OTOP3: variants seen among roughly 807,000 people sequenced by gnomAD.
OTOP3 encodes otopetrin 3.
OTOP3 carries 41 observed loss-of-function variants against 50.8 expected under a neutral mutation model. The observed-to-expected ratio is 0.81, with a 90% CI of 0.63 to 1.05. The LOEUF is 1.05. OTOP3 is among the 50% of genes least tolerant of loss of function. The pLI, the probability that OTOP3 is intolerant of heterozygous loss-of-function variation, is 0.00. For synonymous variants in OTOP3, 320 were observed against 324.4 expected (o/e 0.99, Z 0.14); for missense variants, 788 against 760.8 (o/e 1.04, Z -0.42).
chr17:74,946,743 C>T lies in OTOP3; in HGVS notation c.834C>T (p.Phe278=), dbSNP rs775819983. The T allele has an allele frequency of 5.6e-6, 9 of 1,613,210 alleles. No homozygotes were observed. The highest frequency in any genetic ancestry group is 1.3e-5 in the African/African-American group (1 of 74,950). ...GAGGCTTCCTGATGCTCTACCCCTT[C>T]AGCACTGAGTACTGCCTCATCTGCT... ...FRRGFLMLYP[F]STEYCLICCA... The change falls in exon 6 of 7, where the codon TTC becomes TTT. Residue 278 remains phenylalanine (F), a synonymous_variant. Transcript: ENST00000328801.
chr17:74,937,923 G>A (rs753656919), intron 1 of OTOP3, among the ~76,000 whole-genome samples: 16 of 152,226 alleles, frequency 1.1e-4, no homozygotes, highest in South Asian at 2.1e-4. Context: ...GGGAGGATGG[G>A]CGAGTGGTGG....
chr17:74,940,130 C>CATAT (rs1369010611), intron 1 of OTOP3, among the ~76,000 whole-genome samples: 1 of 101,092 alleles, frequency 9.9e-6, no homozygotes, highest in African/African-American at 3.4e-5. Context: ...CACACACACA[C>CATAT]ACATACATAT....
rs2039238816 is a variant in OTOP3 at position 74,947,313 on chromosome 17, AG to A, written c.1406del (p.Gly469GlufsTer57). ...LWETVPEGLA[G>X]KQEAEPPRRG... ...GGGAGACAGTTCCCGAGGGCCTGGC[AG>A]GAAAGCAGGAGGCTGAGCCTCCCCG... On this transcript the variant is annotated frameshift_variant, in exon 6 of 7. Coordinates refer to ENST00000328801, the MANE Select transcript of OTOP3 (RefSeq NM_001272005.2). LOFTEE classifies it high-confidence loss of function. 6.2e-7 allele frequency: 1 copy of A among 1,613,350 alleles called. No individual in the cohort carries two copies. The highest frequency in any genetic ancestry group is 1.1e-5 in the South Asian group (1 of 91,072).
At chr17:74,942,136 A>G (rs1010190591) in intron 3 of OTOP3, 99 bp downstream of exon 3, 4 of 1,426,342 alleles carry the variant, frequency 2.8e-6, no homozygotes, top group Non-Finnish European at 3.8e-6. Flanking sequence ...ACAGCCACAC[A>G]GGCAAATACC....
chr17:74,943,456 C>G, intron 4 of OTOP3, 112 bp downstream of exon 4: 1 of 1,385,100 alleles, frequency 7.2e-7, no homozygotes, highest in South Asian at 1.2e-5. Context: ...CTAGGTGGCC[C>G]CAGGGCTGCC....
At chr17:74,945,155 T>A (rs2039213615) in intron 5 of OTOP3, among the ~76,000 whole-genome samples, 1 of 152,114 alleles carries the variant, frequency 6.6e-6, no homozygotes, top group Non-Finnish European at 1.5e-5. Flanking sequence ...ACAAAAAAAT[T>A]TCTGAGCCCA....
Position 74,949,345 on chromosome 17 carries a change from G to A in OTOP3, c.1666G>A (p.Gly556Ser), listed in dbSNP as rs551459752. ...YQIWFAIVNF[G>S]LPLGVFYRMH... ...GATATGGTTCGCCATCGTCAACTTC[G>A]GCCTGCCTCTGGGGGTCTTCTACCG... is the stretch of plus-strand genomic sequence containing the variant. The change falls in exon 7 of 7, where the codon GGC (glycine) becomes AGC (serine). Residue 556 changes from glycine (G) to serine (S), a missense_variant. Physicochemically the swap from Gly to Ser is moderately conservative, Grantham distance 56. Coordinates refer to ENST00000328801, the MANE Select transcript of OTOP3 (RefSeq NM_001272005.2). 2.0e-5 allele frequency: 33 copies of A among 1,614,028 alleles called. No homozygotes were observed. Among genetic ancestry groups the A allele is most frequent in the Middle Eastern group, 1.7e-4 (1 of 6,034 alleles).
At position 74,947,268 on chromosome 17, in the gene OTOP3, CCTGCACCGGCGCCCACT is replaced by C; in HGVS notation, c.1363_1379del (p.His455GlyfsTer14). Reference sequence around the variant, plus strand: ...CTCAGAACCTCTTCATCATCGAGGGCCTGCACCGGCGCCCACTCTGGGAGACAGTTCCCGAGGGCCTG... The same window carrying C: ...CTCAGAACCTCTTCATCATCGAGGGCCTGGGAGACAGTTCCCGAGGGCCTG... On this transcript the variant is annotated frameshift_variant, in exon 6 of 7. Coordinates refer to ENST00000328801, the MANE Select transcript of OTOP3 (RefSeq NM_001272005.2). LOFTEE classifies it high-confidence loss of function. The C allele has an allele frequency of 6.2e-7, 1 of 1,613,614 alleles. No homozygotes were observed. Among genetic ancestry groups the C allele is most frequent in the South Asian group, 1.1e-5 (1 of 91,066 alleles).
Position 74,941,563 on chromosome 17 carries a change from C to CA in OTOP3, c.191dup (p.Ala65GlyfsTer38), listed in dbSNP as rs2039173583. On this transcript the variant is annotated frameshift_variant, in exon 2 of 7. Coordinates refer to ENST00000328801, the MANE Select transcript of OTOP3 (RefSeq NM_001272005.2). LOFTEE classifies it high-confidence loss of function. ...CTCTCTGCTGCTGCGGCGGGACCGG[C>CA]AGGCCCAGAAGGCTGGACAACTCTT... is the stretch of plus-strand genomic sequence containing the variant. 6.2e-7 allele frequency: 1 copy of CA among 1,611,218 alleles called. No homozygotes were observed.
chr17:74,935,918 G>A lies in OTOP3; in HGVS notation c.-4G>A. 1 of 1,545,840 alleles carries A rather than the reference G, an allele frequency of 6.5e-7. No individual in the cohort carries two copies. Among genetic ancestry groups the A allele is most frequent in the Non-Finnish European group, 8.7e-7 (1 of 1,146,698 alleles). ...CGCCCGCAGTCGGTGGTTAGCCCAC[G>A]GCGATGCCTCTCCCGGCCTCAGGTA... On this transcript the variant is annotated 5_prime_UTR_variant, in exon 1 of 7. Transcript: ENST00000328801.
Position 74,949,527 on chromosome 17 carries a change from A to G in OTOP3, c.*111A>G. On this transcript the variant is annotated 3_prime_UTR_variant, in exon 7 of 7. Coordinates refer to ENST00000328801, the MANE Select transcript of OTOP3 (RefSeq NM_001272005.2). ...GTGCCGAGACCAGCCTGAGGCTCTC[A>G]AGGCCTCCTGCTCCCCAGAGCCTCA... 8.0e-7 allele frequency: 1 copy of G among 1,253,932 alleles called. No homozygotes were observed. Among genetic ancestry groups the G allele is most frequent in the Non-Finnish European group, 1.1e-6 (1 of 915,908 alleles). The allele number at this position is 1,253,932 out of a possible 1,614,324, so 77.7% of individuals were successfully genotyped here.
chr17:74,936,961 C>CTTTTTTT lies in OTOP3; in HGVS notation c.19+1034_19+1040dup, dbSNP rs1191319023. ...ATTCGGCATTCATCACCCCCCCACC[C>CTTTTTTT]TTTTTTTTTTTTTTTTTTTGAGACA... On this transcript the variant is annotated intron_variant, in intron 1 of 6. Transcript: ENST00000328801. Among the ~76,000 whole-genome samples the CTTTTTTT allele has an allele frequency of 6.2e-4, 63 of 101,308 alleles. 6 individuals are homozygous for CTTTTTTT. The highest frequency in any genetic ancestry group is 1.7e-3 in the East Asian group (6 of 3,446). 66.5% of individuals were successfully genotyped at this position (101,308 alleles called of 152,430 possible).
rs200838654 is a variant in OTOP3, at chr17:74,949,442, G to T, written c.*26G>T. ...GGCTGCCCACCCCCGGCAGAACCTC[G>T]AAGTGCCAAGGTGGGGAAGATGGTA... On this transcript the variant is annotated 3_prime_UTR_variant, in exon 7 of 7. Coordinates refer to ENST00000328801, the MANE Select transcript of OTOP3 (RefSeq NM_001272005.2). 6.2e-7 allele frequency: 1 copy of T among 1,608,330 alleles called. No individual in the cohort carries two copies. The highest frequency in any genetic ancestry group is 8.5e-7 in the Non-Finnish European group (1 of 1,177,644).
chr17:74,948,662 A>G (rs1275149141), intron 6 of OTOP3, among the ~76,000 whole-genome samples: 1 of 152,028 alleles, frequency 6.6e-6, no homozygotes, highest in Non-Finnish European at 1.5e-5. Context: ...TCTGTATCTT[A>G]AAAAATAGTA....
intron 1 of OTOP3, among the ~76,000 whole-genome samples, chr17:74,939,835 T>G (rs1166098351): frequency 6.6e-6 from 1 of 152,158 alleles, no homozygotes; most frequent in Non-Finnish European, 1.5e-5. Flanking sequence ...GCCTGTCCCA[T>G]GCTCTCAGAA....
At chr17:74,943,510 G>A (rs552080129) in intron 4 of OTOP3, 96 bp from the exon 5 acceptor site, 68 of 1,372,116 alleles carry the variant, frequency 5.0e-5, no homozygotes, top group Non-Finnish European at 7.1e-5. Flanking sequence ...GTGAGTGGTT[G>A]GGAGTGAGTG....
intron 5 of OTOP3, among the ~76,000 whole-genome samples, chr17:74,944,067 C>T (rs2039203186): frequency 6.6e-6 from 1 of 152,230 alleles, no homozygotes; most frequent in South Asian, 2.1e-4. Flanking sequence ...ACTCAACAGC[C>T]TCCCGGCTGA....
chr17:74,936,614 T>C (rs115790532), intron 1 of OTOP3, among the ~76,000 whole-genome samples: 3,062 of 152,184 alleles, frequency 0.02, 99 homozygotes, highest in African/African-American at 0.07. Flanking sequence ...ATTCGCTCCT[T>C]TGAAGGCTCA....
At chr17:74,941,347 C>G (rs764578603) in intron 1 of OTOP3, 46 bp from the exon 2 acceptor site, 4 of 1,447,410 alleles carry the variant, frequency 2.8e-6, no homozygotes, top group Non-Finnish European at 3.7e-6. Flanking sequence ...GGACTTGAAC[C>G]CAGGACAGCC....
Sources: gnomAD v4.1 joint callset for allele counts (sites outside exome capture counted in the v4.1 genomes callset) on GRCh38, gnomAD v4.1.1 for gene constraint, MANE v1.5 for transcripts, NCBI Gene and HGNC (gene_info 2026-07-23, HGNC 2026-07-21) for gene names.